The following SEMA3D variants were observed in gnomAD, a reference collection of about 807,000 sequenced individuals.
SEMA3D encodes semaphorin-3D.
Under a neutral mutation model 100.1 loss-of-function variants are expected in SEMA3D, and 84 were observed. That is an observed-to-expected ratio of 0.84 (90% CI 0.70 to 1.01). SEMA3D has a LOEUF of 1.01. SEMA3D is among the 50% of genes least tolerant of loss of function. The pLI is 0.00. For synonymous variants in SEMA3D, 312 were observed against 320.7 expected (o/e 0.97, Z 0.29); for missense variants, 875 against 934.1 (o/e 0.94, Z 0.82).
At chr7:85,189,866 T>A (rs570532576), upstream of SEMA3D, among the ~76,000 whole-genome samples, 6 of 152,304 alleles carry the variant, frequency 3.9e-5, no homozygotes, top group East Asian at 1.2e-3. Flanking sequence ...TGAAATACAC[T>A]ATTTCTCAAA....
Position 85,186,903 on chromosome 7 carries a change from C to G in SEMA3D, c.-398G>C, listed in dbSNP as rs62462214. 1 of 152,138 alleles carries G rather than the reference C, an allele frequency of 6.6e-6. No homozygotes were observed. Among genetic ancestry groups the G allele is most frequent in the African/African-American group, 2.4e-5 (1 of 41,400 alleles). 9.4% of individuals were successfully genotyped at this position (152,138 alleles called of 1,614,324 possible). Reference sequence around the variant, plus strand: ...GAGGCAGGGGGCGCTGCTGCCTCCCCCGAGAGCCGCGCTAGGACAGGCGGA... The same window carrying G: ...GAGGCAGGGGGCGCTGCTGCCTCCCGCGAGAGCCGCGCTAGGACAGGCGGA... On this transcript the variant is annotated 5_prime_UTR_variant, in exon 1 of 19. Coordinates refer to ENST00000284136, the MANE Select transcript of SEMA3D (RefSeq NM_001384900.1).
chr7:85,167,490 A>C (rs1213510298), intron 1 of SEMA3D: 1 of 507,438 alleles, frequency 2.0e-6, no homozygotes, highest in East Asian at 1.5e-4. Context: ...ATTAGTAAGA[A>C]TGTGACTTTG....
chr7:85,007,596 C>T (rs1789835219), intron 17 of SEMA3D, among the ~76,000 whole-genome samples: 1 of 151,730 alleles, frequency 6.6e-6, no homozygotes, highest in Non-Finnish European at 1.5e-5. Context: ...CTTAAAGGAA[C>T]AGTGTCTCAG....
chr7:85,087,877 C>T (rs1788272542), intron 4 of SEMA3D, among the ~76,000 whole-genome samples: 1 of 151,980 alleles, frequency 6.6e-6, no homozygotes, highest in Non-Finnish European at 1.5e-5. Flanking sequence ...GTATAGCTTA[C>T]TAGTATGAAA....
chr7:85,066,913 C>CACACACACACACAGAGAGAGAGAGAGAG, intron 7 of SEMA3D, among the ~76,000 whole-genome samples: 1 of 127,760 alleles, frequency 7.8e-6, no homozygotes, highest in African/African-American at 3.2e-5. Context: ...CACACACACA[C>CACACACACACACAGAGAGAGAGAGAGAG]AGAGAGAGAG....
intron 4 of SEMA3D, among the ~76,000 whole-genome samples, chr7:85,082,714 T>C (rs1788100630): frequency 6.6e-6 from 1 of 152,206 alleles, no homozygotes; most frequent in Non-Finnish European, 1.5e-5. Context: ...TGTGGTGAAA[T>C]TTTAGGGTTT....
intron 4 of SEMA3D, among the ~76,000 whole-genome samples, chr7:85,091,029 G>C (rs1229274545): frequency 6.7e-6 from 1 of 148,300 alleles, no homozygotes; most frequent in African/African-American, 2.5e-5. Flanking sequence ...AAGAGAAAAG[G>C]AAAGAAAGAA....
chr7:85,034,650 G>T (rs1790642176), intron 12 of SEMA3D, among the ~76,000 whole-genome samples: 1 of 151,766 alleles, frequency 6.6e-6, no homozygotes, highest in South Asian at 2.1e-4. Flanking sequence ...TAAAAAATGG[G>T]CTAAGTACTT....
At chr7:85,009,049 A>G (rs2115762536) in intron 17 of SEMA3D, among the ~76,000 whole-genome samples, 1 of 151,898 alleles carries the variant, frequency 6.6e-6, no homozygotes, top group South Asian at 2.1e-4. Flanking sequence ...CATTTCAGAT[A>G]AGGAATATTC....
At chr7:85,136,662 T>G (rs1789875318) in intron 2 of SEMA3D, among the ~76,000 whole-genome samples, 1 of 152,166 alleles carries the variant, frequency 6.6e-6, no homozygotes, top group African/African-American at 2.4e-5. Flanking sequence ...AGGCATATTA[T>G]GCTTTCTCTT....
chr7:85,128,019 T>G (rs1237856730), intron 2 of SEMA3D, among the ~76,000 whole-genome samples: 1 of 151,792 alleles, frequency 6.6e-6, no homozygotes, highest in Non-Finnish European at 1.5e-5. Context: ...ATGTGCCTCT[T>G]AGGTATATCT....
intron 1 of SEMA3D, among the ~76,000 whole-genome samples, chr7:85,184,884 T>A (rs985843396): frequency 6.6e-6 from 1 of 152,180 alleles, no homozygotes; most frequent in African/African-American, 2.4e-5. Context: ...TCAGAGACTC[T>A]AAGACCCGAC....
intron 12 of SEMA3D, among the ~76,000 whole-genome samples, chr7:85,032,917 C>A (rs1350310591): frequency 1.3e-5 from 2 of 151,842 alleles, no homozygotes; most frequent in East Asian, 3.9e-4. Flanking sequence ...CTGATTACAG[C>A]CTTAATAGGG....
At chr7:85,215,791 C>T in the SEMA3D span, among the ~76,000 whole-genome samples, 5 of 151,864 alleles carry the variant, frequency 3.3e-5, no homozygotes, top group African/African-American at 4.8e-5. Context: ...CAAGACATTT[C>T]GGGAGAAGAG....
chr7:85,220,472 T>C, the SEMA3D span, among the ~76,000 whole-genome samples: 30 of 152,038 alleles, frequency 2.0e-4, no homozygotes, highest in African/African-American at 6.7e-4. Flanking sequence ...AACTTATGAA[T>C]GGGTCAGTCA....
chr7:85,205,160 T>C, the SEMA3D span, among the ~76,000 whole-genome samples: 1 of 152,150 alleles, frequency 6.6e-6, no homozygotes, highest in African/African-American at 2.4e-5. Context: ...ATTGACGTGT[T>C]TGAGTTCCTT....
At chr7:85,240,506 C>T in the SEMA3D span, among the ~76,000 whole-genome samples, 4 of 152,062 alleles carry the variant, frequency 2.6e-5, no homozygotes, top group Non-Finnish European at 5.9e-5. Flanking sequence ...TTACCTCATA[C>T]AATGAGTTTG....
the SEMA3D span, among the ~76,000 whole-genome samples, chr7:85,218,144 T>C: frequency 6.6e-6 from 1 of 151,990 alleles, no homozygotes; most frequent in African/African-American, 2.4e-5. Context: ...ACTGATTGGG[T>C]TTCTGAGATA....
At chr7:85,061,140 TA>T (rs573389473) in intron 8 of SEMA3D, among the ~76,000 whole-genome samples, 1 of 151,720 alleles carries the variant, frequency 6.6e-6, no homozygotes, top group Non-Finnish European at 1.5e-5. Flanking sequence ...AAAAATACTG[TA>T]AAAAAAACAC....
Sources: allele counts gnomAD v4.1 joint callset (sites outside exome capture counted in the v4.1 genomes callset), GRCh38; gene constraint gnomAD v4.1.1; transcripts MANE v1.5; gene names NCBI Gene and HGNC (gene_info 2026-07-23, HGNC 2026-07-21).